The following UGT1A9 variants were observed in gnomAD, a reference collection of about 807,000 sequenced individuals.
UGT1A9 encodes the protein UDP glucuronosyltransferase family 1 member A9, also known as UDP-glucuronosyltransferase 1A9.
In UGT1A9, 35 loss-of-function variants were observed where a neutral mutation model predicts 45.0. The ratio of observed to expected loss-of-function variants is 0.78; its 90% confidence interval spans 0.59 to 1.03. UGT1A9 has a LOEUF of 1.03. Among genes scored for constraint, UGT1A9 ranks in the 50% least tolerant of loss-of-function variants. The pLI is 0.00. For synonymous variants in UGT1A9, 278 were observed against 250.6 expected, an observed-to-expected ratio of 1.11 and a Z score of -1.03; for missense variants, 687 against 666.6, an observed-to-expected ratio of 1.03 and a Z score of -0.34.
intron 1 of UGT1A9, among the ~76,000 whole-genome samples, chr2:233,714,930 G>A (rs1185708526): frequency 6.6e-6 from 1 of 152,040 alleles, no homozygotes; most frequent in Non-Finnish European, 1.5e-5. Flanking sequence ...AGTCTGGAGT[G>A]CAGTGGTGGG....
intron 2 of UGT1A9, among the ~76,000 whole-genome samples, chr2:233,767,483 G>A (rs1215340946): frequency 1.3e-5 from 2 of 152,158 alleles, no homozygotes; most frequent in Admixed American, 6.5e-5. Context: ...TTAAATAGAA[G>A]TATTTCTCCA....
chr2:233,734,667 C>G (rs1395342717), intron 1 of UGT1A9, among the ~76,000 whole-genome samples: 1 of 152,100 alleles, frequency 6.6e-6, no homozygotes. Flanking sequence ...ATAAATTTCC[C>G]TCTACACACT....
rs991144087 is a variant in UGT1A9 at position 233,687,245 on chromosome 2, A to T, written c.855+14456A>T. On this transcript the variant is annotated intron_variant, in intron 1 of 4. Transcript: ENST00000354728. ...CACAATTATCTCCAACCTCCACAAG[A>T]TTAATGATCTTAACCATGCATTCAG... Among the ~76,000 whole-genome samples the T allele has an allele frequency of 5.1e-4, 77 of 152,304 alleles. 1 individual carries two copies. Among genetic ancestry groups the T allele is most frequent in the Admixed American group, 5.0e-3 (77 of 15,302 alleles).
intron 1 of UGT1A9, among the ~76,000 whole-genome samples, chr2:233,751,872 G>C (rs151015857): frequency 6.6e-6 from 1 of 152,110 alleles, no homozygotes; most frequent in Non-Finnish European, 1.5e-5. Context: ...AAATTACCCC[G>C]TCTTGGGTAT....
chr2:233,677,023 A>G (rs970318591), intron 1 of UGT1A9, among the ~76,000 whole-genome samples: 7 of 151,644 alleles, frequency 4.6e-5, no homozygotes, highest in African/African-American at 1.7e-4. Context: ...TGCTTTTGCT[A>G]TTGGAGGTCT....
chr2:233,745,199 G>C (rs1446932556), intron 1 of UGT1A9, among the ~76,000 whole-genome samples: 2 of 151,776 alleles, frequency 1.3e-5, no homozygotes, highest in Non-Finnish European at 2.9e-5. Context: ...AAAACAACCA[G>C]GGAGATCCTC....
Position 233,672,751 on chromosome 2 carries a change from G to A in UGT1A9, c.817G>A (p.Gly273Ser). ...CGTGATGCCCAACATGATCTTCATT[G>A]GTGGTATCAACTGCCATCAGGGAAA... ...KPVMPNMIFI[G>S]GINCHQGKPL... is the part of the protein sequence containing the mutation. Residue 273 changes from glycine to serine, a missense_variant, in exon 1 of 5, where the codon GGT (glycine) becomes AGT (serine). Coordinates refer to ENST00000354728, the MANE Select transcript of UGT1A9 (RefSeq NM_021027.3). 3 of 1,613,754 alleles carry A rather than the reference G, an allele frequency of 1.9e-6. No homozygotes were observed. The highest frequency in any genetic ancestry group is 2.5e-6 in the Non-Finnish European group (3 of 1,179,792).
intron 1 of UGT1A9, among the ~76,000 whole-genome samples, chr2:233,740,339 A>G (rs1249228201): frequency 7.9e-5 from 12 of 151,952 alleles, no homozygotes; most frequent in Non-Finnish European, 1.5e-4. Flanking sequence ...GAGAAAGTTG[A>G]TGAGAAAGTG....
intron 1 of UGT1A9, among the ~76,000 whole-genome samples, chr2:233,736,128 G>A (rs1042776014): frequency 2.0e-5 from 3 of 152,068 alleles, no homozygotes; most frequent in Non-Finnish European, 4.4e-5. Flanking sequence ...TCCATTCTCC[G>A]CATCACTTTC....
chr2:233,763,586 T>C (rs1253183119), intron 1 of UGT1A9, among the ~76,000 whole-genome samples: 1 of 152,240 alleles, frequency 6.6e-6, no homozygotes, highest in Non-Finnish European at 1.5e-5. Flanking sequence ...TTTCTTCCTT[T>C]GTTAACTAAA....
At chr2:233,702,203 T>C (rs1322988594) in intron 1 of UGT1A9, among the ~76,000 whole-genome samples, 1 of 152,208 alleles carries the variant, frequency 6.6e-6, no homozygotes, top group Non-Finnish European at 1.5e-5. Context: ...TGGCAGCCAT[T>C]AATCAACTTT....
At chr2:233,749,352 A>G (rs1249792542) in intron 1 of UGT1A9, among the ~76,000 whole-genome samples, 1 of 151,892 alleles carries the variant, frequency 6.6e-6, no homozygotes, top group Non-Finnish European at 1.5e-5. Context: ...TGGAATTTAA[A>G]TAGTGACTCT....
chr2:233,743,960 G>C (rs745723342), intron 1 of UGT1A9: 11 of 1,334,214 alleles, frequency 8.2e-6, no homozygotes, highest in Non-Finnish European at 1.1e-5. Flanking sequence ...CACAGCGAGC[G>C]GCAAGGCTGC....
intron 1 of UGT1A9, among the ~76,000 whole-genome samples, chr2:233,709,193 A>G (rs1200077395): frequency 1.3e-5 from 2 of 152,156 alleles, no homozygotes; most frequent in Non-Finnish European, 2.9e-5. Context: ...CTGGGAGTGG[A>G]TCCTCACCAG....
chr2:233,690,760 TAC>T (rs899779207), intron 1 of UGT1A9: 456 of 901,510 alleles, frequency 5.1e-4, no homozygotes, highest in East Asian at 4.7e-3. Context: ...AGTGCAGACA[TAC>T]ACACACACAC....
Position 233,673,533 on chromosome 2 carries a change from T to C in UGT1A9, c.855+744T>C, listed in dbSNP as rs539148752. 2.6e-5 allele frequency among the ~76,000 whole-genome samples: 4 copies of C among 152,280 alleles called. No homozygotes were observed. The East Asian group carries it at 5.8e-4, about 22-fold the overall frequency. ...TACATGTAGGGTTACAGGATTTCCATGAATTGAGAAGGATTGGCATTTTTT... is the reference window on the plus strand; with the variant it reads ...TACATGTAGGGTTACAGGATTTCCACGAATTGAGAAGGATTGGCATTTTTT... On this transcript the variant is annotated intron_variant, in intron 1 of 4. Coordinates refer to ENST00000354728, the MANE Select transcript of UGT1A9 (RefSeq NM_021027.3).
At chr2:233,673,402 T>A (rs1305346652) in intron 1 of UGT1A9, among the ~76,000 whole-genome samples, 1 of 152,186 alleles carries the variant, frequency 6.6e-6, no homozygotes, top group Non-Finnish European at 1.5e-5. Flanking sequence ...TTTAGGCATT[T>A]TGCATTTTTT....
chr2:233,692,756 A>G, intron 1 of UGT1A9: 3 of 1,156,272 alleles, frequency 2.6e-6, no homozygotes, highest in Non-Finnish European at 2.3e-6. Flanking sequence ...AGACTTGTGG[A>G]GCTGAAGAGA....
At chr2:233,758,941 T>C (rs1697024496) in intron 1 of UGT1A9, among the ~76,000 whole-genome samples, 1 of 152,230 alleles carries the variant, frequency 6.6e-6, no homozygotes, top group Non-Finnish European at 1.5e-5. Flanking sequence ...TTCAAATCAG[T>C]CATCAGAATT....
Sources: allele counts gnomAD v4.1 joint callset (sites outside exome capture counted in the v4.1 genomes callset), GRCh38; gene constraint gnomAD v4.1.1; transcripts MANE v1.5; gene names NCBI Gene and HGNC (gene_info 2026-07-23, HGNC 2026-07-21).